ME1: variants seen among roughly 807,000 people sequenced by gnomAD.
ME1 encodes malic enzyme 1, also known as NADP-dependent malic enzyme.
ME1 carries 74 observed loss-of-function variants against 66.4 expected under a neutral mutation model. The observed-to-expected ratio is 1.11, with a 90% CI of 0.92 to 1.35. The LOEUF is 1.35. Among genes scored for constraint, ME1 ranks in the 40% most tolerant of loss-of-function variants. ME1 has a pLI of 0.00. For synonymous variants in ME1, 251 were observed against 235.6 expected (o/e 1.07, Z -0.60); for missense variants, 750 against 694.1 (o/e 1.08, Z -0.90).
At chr6:83,275,039 T>C (rs1292877900) in intron 6 of ME1, among the ~76,000 whole-genome samples, 1 of 152,090 alleles carries the variant, frequency 6.6e-6, no homozygotes, top group Non-Finnish European at 1.5e-5. Context: ...AATGTTAAGA[T>C]AGGACAAAAA....
intron 3 of ME1, among the ~76,000 whole-genome samples, chr6:83,396,174 G>A (rs1450921304): frequency 1.3e-5 from 2 of 152,182 alleles, no homozygotes; most frequent in Non-Finnish European, 2.9e-5. Flanking sequence ...GACCAGCCTA[G>A]CCAATGTGGT....
chr6:83,226,392 A>C (rs964645932), intron 11 of ME1, among the ~76,000 whole-genome samples: 5 of 152,204 alleles, frequency 3.3e-5, no homozygotes, highest in Non-Finnish European at 7.4e-5. Context: ...TAGTAGGTGC[A>C]AGGCATGATG....
At chr6:83,420,090 C>T (rs1190724641) in intron 1 of ME1, among the ~76,000 whole-genome samples, 5 of 151,600 alleles carry the variant, frequency 3.3e-5, no homozygotes, top group African/African-American at 1.2e-4. Context: ...TCTTTTGAGA[C>T]GGAGCCTTGC....
chr6:83,352,701 A>G (rs1327498290), intron 3 of ME1, among the ~76,000 whole-genome samples: 3 of 152,132 alleles, frequency 2.0e-5, no homozygotes, highest in Non-Finnish European at 2.9e-5. Context: ...TATTTACTCT[A>G]AAGTCTTTAA....
chr6:83,294,372 C>A (rs1767556465), intron 6 of ME1, among the ~76,000 whole-genome samples: 1 of 152,132 alleles, frequency 6.6e-6, no homozygotes, highest in Non-Finnish European at 1.5e-5. Flanking sequence ...TTTACCTCAG[C>A]CCTCATTCAG....
At chr6:83,319,889 G>A (rs539197150) in intron 5 of ME1, among the ~76,000 whole-genome samples, 6 of 152,240 alleles carry the variant, frequency 3.9e-5, no homozygotes, top group South Asian at 2.1e-4. Flanking sequence ...TGGTTATTCT[G>A]TCCCTGCCTC....
chr6:83,270,947 A>T (rs1767071495), intron 6 of ME1, among the ~76,000 whole-genome samples: 2 of 152,060 alleles, frequency 1.3e-5, no homozygotes, highest in South Asian at 4.1e-4. Flanking sequence ...TTAAACAAAC[A>T]AGATAAATTT....
intron 9 of ME1, among the ~76,000 whole-genome samples, chr6:83,234,073 A>G (rs1231080191): frequency 6.6e-6 from 1 of 152,168 alleles, no homozygotes. Context: ...GATCTAGCCA[A>G]CTACTTCACA....
chr6:83,321,687 A>G (rs1252541520), intron 5 of ME1, among the ~76,000 whole-genome samples: 1 of 152,192 alleles, frequency 6.6e-6, no homozygotes, highest in Non-Finnish European at 1.5e-5. Flanking sequence ...TCTCCCTGGG[A>G]CAGAACACCT....
In ME1 at chr6:83,356,814, T is replaced by C. The variant is rs1175490902; in HGVS notation, c.363-4675A>G. ...GCCGCATCACTACCAAATGATGTAA[T>C]GCATTTCCTACAAATAAAAATATTC... On this transcript the variant is annotated intron_variant, in intron 3 of 13. Transcript: ENST00000369705. Among the ~76,000 whole-genome samples, 4 of 152,160 alleles carry C rather than the reference T, an allele frequency of 2.6e-5. No homozygotes were observed. The South Asian group carries it at 6.2e-4, about 24-fold the overall frequency.
intron 6 of ME1, among the ~76,000 whole-genome samples, chr6:83,313,124 C>T (rs1222803955): frequency 6.6e-6 from 1 of 152,210 alleles, no homozygotes; most frequent in Non-Finnish European, 1.5e-5. Context: ...AATCATTTCC[C>T]ACTTTGAATT....
chr6:83,300,993 C>G (rs1239827232), intron 6 of ME1, among the ~76,000 whole-genome samples: 1 of 152,040 alleles, frequency 6.6e-6, no homozygotes, highest in Non-Finnish European at 1.5e-5. Flanking sequence ...AGGAATTGAA[C>G]AATAAGAACA....
At chr6:83,375,326 T>G (rs904433198) in intron 3 of ME1, among the ~76,000 whole-genome samples, 4 of 152,170 alleles carry the variant, frequency 2.6e-5, no homozygotes, top group African/African-American at 7.2e-5. Flanking sequence ...TTGTTAGCTG[T>G]ATTCCCGGGT....
At chr6:83,387,034 C>T (rs1463886671) in intron 3 of ME1, among the ~76,000 whole-genome samples, 1 of 152,042 alleles carries the variant, frequency 6.6e-6, no homozygotes, top group Non-Finnish European at 1.5e-5. Context: ...GTGCCACAGT[C>T]TTATTTCAAG....
At chr6:83,266,842 C>T (rs1311090316) in intron 6 of ME1, among the ~76,000 whole-genome samples, 2 of 152,138 alleles carry the variant, frequency 1.3e-5, no homozygotes, top group Non-Finnish European at 2.9e-5. Flanking sequence ...AGAGTCTCTG[C>T]TTCATTCCTA....
intron 5 of ME1, among the ~76,000 whole-genome samples, chr6:83,329,390 T>C (rs1047923701): frequency 2.0e-5 from 3 of 152,180 alleles, no homozygotes; most frequent in Non-Finnish European, 4.4e-5. Flanking sequence ...AAAGCTTTCG[T>C]GTCAATAGAC....
intron 6 of ME1, among the ~76,000 whole-genome samples, chr6:83,307,927 A>G (rs1052163879): frequency 2.6e-5 from 4 of 152,158 alleles, no homozygotes; most frequent in African/African-American, 9.7e-5. Flanking sequence ...CACAGGCTAT[A>G]TATCTTGAAA....
At chr6:83,276,923 G>C (rs994734095) in intron 6 of ME1, among the ~76,000 whole-genome samples, 6 of 152,170 alleles carry the variant, frequency 3.9e-5, no homozygotes, top group African/African-American at 1.4e-4. Context: ...ATTGTTATAA[G>C]AAAGAGACAA....
intron 3 of ME1, chr6:83,393,006 G>C: frequency 9.8e-7 from 1 of 1,016,904 alleles, no homozygotes; most frequent in African/African-American, 1.6e-5. Flanking sequence ...CGGCCATGGG[G>C]CTCTCCAGAA....
Sources: allele counts gnomAD v4.1 joint callset (sites outside exome capture counted in the v4.1 genomes callset), GRCh38; gene constraint gnomAD v4.1.1; transcripts MANE v1.5; gene names NCBI Gene and HGNC (gene_info 2026-07-23, HGNC 2026-07-21).